PPFIA4: variants seen among roughly 807,000 people sequenced by gnomAD.
PPFIA4 encodes the protein liprin-alpha-4.
PPFIA4 carries 98 observed loss-of-function variants against 145.7 expected under a neutral mutation model. The ratio of observed to expected loss-of-function variants is 0.67; its 90% CI spans 0.57 to 0.80. The LOEUF (loss-of-function observed/expected upper bound fraction) is 0.80. Among genes scored for constraint, PPFIA4 ranks in the 30% least tolerant of loss-of-function variants. The pLI, the probability that PPFIA4 is intolerant of heterozygous loss-of-function variation, is 0.00. For synonymous variants in PPFIA4, 628 were observed against 649.6 expected (o/e 0.97, Z 0.51); for missense variants, 1,457 against 1,632.7 (o/e 0.89, Z 1.85).
At position 203,055,277 on chromosome 1, in the gene PPFIA4, AAG is replaced by A. The variant is rs1280409234; in HGVS notation, c.1830-151_1830-150del. ...GGAGGGAGTAGGCAAGCTAACAAGA[AAG>A]AGATGTGTTTCTAAGCTCCAGTGGG... On this transcript the variant is annotated intron_variant, in intron 15 of 29. Coordinates refer to ENST00000295706, the MANE Select transcript of PPFIA4 (RefSeq NM_001304331.2). The surrounding 1 kb of genome is among the most constrained non-coding windows in gnomAD (Gnocchi z 4.8). 7.2e-5 allele frequency among the ~76,000 whole-genome samples: 11 copies of A among 152,210 alleles called. No individual in the cohort carries two copies. The highest frequency in any genetic ancestry group is 1.6e-4 in the Non-Finnish European group (11 of 68,038).
chr1:203,044,718 C>T lies in PPFIA4; in HGVS notation c.599C>T (p.Ala200Val). 2 of 1,560,260 alleles carry T rather than the reference C, an allele frequency of 1.3e-6. No homozygotes were observed. Among genetic ancestry groups the T allele is most frequent in the South Asian group, 2.4e-5 (2 of 84,566 alleles). ...CAGGTGTCTGCCCTGCAGCAGGGGG[C>T]AGGGGTGCGGGATGGAGCGGCAGAA... ...HQQVSALQQG[A>V]GVRDGAAEEE... Residue 200 changes from alanine to valine, a missense_variant, in exon 6 of 30, where the codon GCA becomes GTA. Coordinates refer to ENST00000295706, the MANE Select transcript of PPFIA4 (RefSeq NM_001304331.2).
chr1:203,076,301 C>T, intron 29 of PPFIA4, 40 bp from the exon 30 acceptor site: 1 of 1,589,578 alleles, frequency 6.3e-7, no homozygotes, highest in Non-Finnish European at 8.6e-7. Flanking sequence ...GCCCTGCAAC[C>T]TGCCTCACAG....
chr1:203,073,300 C>T (rs1440141655), intron 28 of PPFIA4, among the ~76,000 whole-genome samples: 1 of 152,212 alleles, frequency 6.6e-6, no homozygotes, highest in Non-Finnish European at 1.5e-5. Flanking sequence ...AGCTCTTCCC[C>T]CTTGTTCCAC....
chr1:203,061,940 C>T (rs1661391170), intron 24 of PPFIA4, among the ~76,000 whole-genome samples: 1 of 151,786 alleles, frequency 6.6e-6, no homozygotes, highest in Non-Finnish European at 1.5e-5. Flanking sequence ...TCATTCTTTT[C>T]CTGGGAATAA....
At chr1:203,073,240 T>C (rs1662292978) in intron 28 of PPFIA4, among the ~76,000 whole-genome samples, 1 of 152,204 alleles carries the variant, frequency 6.6e-6, no homozygotes, top group Non-Finnish European at 1.5e-5. Context: ...AAGAGGGAAC[T>C]TACCTGCTGT....
In PPFIA4 at chr1:203,043,615, G is replaced by C. The variant is rs557694653; in HGVS notation, c.336+117G>C. 2 of 938,578 alleles carry C rather than the reference G, an allele frequency of 2.1e-6. No homozygotes were observed. Among genetic ancestry groups the C allele is most frequent in the African/African-American group, 3.3e-5 (2 of 61,146 alleles). 58.1% of individuals were successfully genotyped at this position (938,578 alleles called of 1,614,324 possible). A position where few individuals can be genotyped will look rare whatever the true frequency, so the allele number is the denominator to read the frequency against. ...AAGAGTGGGGCCAGGCACAGTCCTA[G>C]CTCAAGCCCCATCCTTCCCTCTTCC... On this transcript the variant is annotated intron_variant, in intron 3 of 29. Transcript: ENST00000295706. This position sits in a 1 kb window ranked among gnomAD's most constrained non-coding sequence, Gnocchi z 4.4.
In PPFIA4 at chr1:203,071,121, A is replaced by AT. The variant is rs745766089; in HGVS notation, c.3325-556dup. 4.9e-3 allele frequency among the ~76,000 whole-genome samples: 660 copies of AT among 135,494 alleles called. 3 individuals carry two copies. Among genetic ancestry groups the AT allele is most frequent in the Middle Eastern group, 0.016 (4 of 254 alleles). The allele number at this position is 135,494 out of a possible 152,430, so 88.9% of individuals were successfully genotyped here. On this transcript the variant is annotated intron_variant, in intron 27 of 29. Coordinates refer to ENST00000295706, the MANE Select transcript of PPFIA4 (RefSeq NM_001304331.2). The stretch of plus-strand genomic sequence containing the variant: ...TTCACAACCATGCCCAGTTAATTAA[A>AT]TTTTTTTTTTTTTTTGAGACAGGGT...
At position 203,048,627 on chromosome 1, in the gene PPFIA4, G is replaced by C; in HGVS notation, c.1269G>C (p.Leu423=). ...EKMNEDHNKR[L]SDTVDRLLSE... ...TGAATGAGGACCACAACAAGCGGCTGTCGGACACAGTGGACCGGCTGCTCA... is the reference window on the plus strand; with the variant it reads ...TGAATGAGGACCACAACAAGCGGCTCTCGGACACAGTGGACCGGCTGCTCA... Residue 423 remains leucine, a synonymous_variant, in exon 11 of 30, where the codon CTG becomes CTC. Coordinates refer to ENST00000295706, the MANE Select transcript of PPFIA4 (RefSeq NM_001304331.2). The surrounding 1 kb of genome is among the most constrained non-coding windows in gnomAD (Gnocchi z 5.8). 6.2e-7 allele frequency: 1 copy of C among 1,602,306 alleles called. No homozygotes were observed. Among genetic ancestry groups the C allele is most frequent in the African/African-American group, 1.3e-5 (1 of 74,882 alleles).
chr1:203,045,581 C>G (rs780346025), intron 7 of PPFIA4, 22 bp downstream of exon 7: 1 of 1,543,944 alleles, frequency 6.5e-7, no homozygotes, highest in South Asian at 1.2e-5. Flanking sequence ...CGCAGGCCTG[C>G]TCTGTGACCT....
Position 203,068,912 on chromosome 1 carries a change from A to G in PPFIA4, c.3324+284A>G, listed in dbSNP as rs1164019394. On this transcript the variant is annotated intron_variant, in intron 27 of 29. Coordinates refer to ENST00000295706, the MANE Select transcript of PPFIA4 (RefSeq NM_001304331.2). The surrounding 1 kb of genome is among the most constrained non-coding windows in gnomAD (Gnocchi z 4.7). Reference sequence around the variant, plus strand: ...TCCCCGTCCTGCCCTGGGTACCTCTATCTCCTCCTAACCCCACTTCATAGC... The same window carrying G: ...TCCCCGTCCTGCCCTGGGTACCTCTGTCTCCTCCTAACCCCACTTCATAGC... Among the ~76,000 whole-genome samples, 5 of 151,916 alleles carry G rather than the reference A, an allele frequency of 3.3e-5. No homozygotes were observed. The highest frequency in any genetic ancestry group is 3.9e-4 in the East Asian group (2 of 5,170).
At chr1:203,072,063 A>T (rs1418544528) in intron 28 of PPFIA4, among the ~76,000 whole-genome samples, 1 of 152,194 alleles carries the variant, frequency 6.6e-6, no homozygotes, top group Admixed American at 6.5e-5. Flanking sequence ...ACATAGGATC[A>T]AAGATTTTCC....
At position 203,043,636 on chromosome 1, in the gene PPFIA4, C is replaced by G. The variant is rs1558071723; in HGVS notation, c.336+138C>G. 3.7e-6 allele frequency: 3 copies of G among 815,644 alleles called. No individual in the cohort carries two copies. Among genetic ancestry groups the G allele is most frequent in the Non-Finnish European group, 5.9e-6 (3 of 505,274 alleles). The allele number at this position is 815,644 out of a possible 1,614,324, so 50.5% of individuals were successfully genotyped here. A position where few individuals can be genotyped will look rare whatever the true frequency, so the allele number is the denominator to read the frequency against. On this transcript the variant is annotated intron_variant, in intron 3 of 29. Transcript: ENST00000295706. The surrounding 1 kb of genome is among the most constrained non-coding windows in gnomAD (Gnocchi z 4.4). ...CCTAGCTCAAGCCCCATCCTTCCCT[C>G]TTCCTGTCTCCCATCCTGGGGTGAG...
intron 13 of PPFIA4, chr1:203,051,279 C>G: frequency 1.0e-6 from 1 of 986,140 alleles, no homozygotes; most frequent in Non-Finnish European, 1.2e-6. Context: ...GGGACTCAGT[C>G]CAGATTATGG....
chr1:203,050,662 A>G (rs536212596), intron 13 of PPFIA4, among the ~76,000 whole-genome samples: 8 of 152,304 alleles, frequency 5.3e-5, no homozygotes, highest in African/African-American at 1.9e-4. Flanking sequence ...TTGAGCTTGA[A>G]GAAGAGAAGC....
At chr1:203,062,643 T>C (rs112656610) in intron 24 of PPFIA4, among the ~76,000 whole-genome samples, 1,563 of 152,096 alleles carry the variant, frequency 0.01, 17 homozygotes, top group Middle Eastern at 0.031. Context: ...GAATCATTCA[T>C]GCCATAAAAC....
At position 203,076,404 on chromosome 1, in the gene PPFIA4, G is replaced by A. The variant is rs1662551900; in HGVS notation, c.*14G>A. On this transcript the variant is annotated 3_prime_UTR_variant, in exon 30 of 30. Coordinates refer to ENST00000295706, the MANE Select transcript of PPFIA4 (RefSeq NM_001304331.2). ...TTCCGGGACTAGCCATGGCCCCCAG[G>A]GCTGGCTTCCTCCTTCTGGGTTTCA... 1.2e-6 allele frequency: 2 copies of A among 1,607,814 alleles called. No individual in the cohort carries two copies. Among genetic ancestry groups the A allele is most frequent in the African/African-American group, 2.7e-5 (2 of 74,926 alleles).
In PPFIA4 at chr1:203,044,033, G is replaced by A; in HGVS notation, c.439G>A (p.Glu147Lys). The stretch of plus-strand genomic sequence containing the variant: ...CCAGTCACCTTCGGGGGTCTCCAGT[G>A]AGGTGGAGGTGCTGAAGGCCCTCAA... The part of the protein sequence containing the change: ...QAQSPSGVSS[E>K]VEVLKALKSL... Residue 147 changes from glutamate to lysine, a missense_variant, in exon 4 of 30, where the codon GAG becomes AAG. By Grantham distance (56) the Glu-to-Lys change is moderately conservative (BLOSUM62 1). Coordinates refer to ENST00000295706, the MANE Select transcript of PPFIA4 (RefSeq NM_001304331.2). The A allele has an allele frequency of 6.2e-7, 1 of 1,612,320 alleles. No individual in the cohort carries two copies. Among genetic ancestry groups the A allele is most frequent in the Non-Finnish European group, 8.5e-7 (1 of 1,179,652 alleles).
chr1:203,031,265 C>G (rs1284222567), intron 1 of PPFIA4, among the ~76,000 whole-genome samples: 1 of 152,192 alleles, frequency 6.6e-6, no homozygotes, highest in Non-Finnish European at 1.5e-5. Context: ...GCCATGTTGC[C>G]CAGGCTGGTT....
chr1:203,071,803 A>T lies in PPFIA4; in HGVS notation c.3393+43A>T, dbSNP rs772512555. ...AATTAGGAGCCTTGGGGATTTGGTC[A>T]TCTTCGTTGGATTGAGGTTCATGAG... On this transcript the variant is annotated intron_variant, in intron 28 of 29. Transcript: ENST00000295706. 5 of 1,513,674 alleles carry T rather than the reference A, an allele frequency of 3.3e-6. No homozygotes were observed. The Admixed American group carries it at 8.7e-5, about 26-fold the overall frequency. 93.8% of individuals were successfully genotyped at this position (1,513,674 alleles called of 1,614,324 possible).
Sources: gnomAD v4.1 joint callset for allele counts (sites outside exome capture counted in the v4.1 genomes callset) on GRCh38, gnomAD v4.1.1 for gene constraint, Gnocchi (gnomAD v3.1) non-coding constraint, MANE v1.5 for transcripts, NCBI Gene and HGNC (gene_info 2026-07-23, HGNC 2026-07-21) for gene names.